Variants in HMCN1 observed in about 807,000 individuals in gnomAD.
HMCN1 encodes hemicentin-1.
HMCN1 carries 321 observed loss-of-function variants against 625.9 expected under a neutral mutation model. The ratio of observed to expected loss-of-function variants is 0.51; its 90% CI spans 0.47 to 0.56. The LOEUF is 0.56. HMCN1 is among the 20% of genes least tolerant of loss of function. The probability of loss-of-function intolerance (pLI) is 0.00; values close to 1 mark genes in which losing one functional copy is unlikely to be tolerated. For synonymous variants in HMCN1, 2,425 were observed against 2,417.6 expected, an observed-to-expected ratio of 1.00 and a Z score of -0.09; for missense variants, 6,588 against 6,887.3, an observed-to-expected ratio of 0.96 and a Z score of 1.54.
chr1:186,086,124 G>A (rs141530407), intron 57 of HMCN1, 122 bp from the exon 58 acceptor site: 1 of 876,582 alleles, frequency 1.1e-6, no homozygotes, highest in Non-Finnish European at 1.8e-6. Flanking sequence ...CAGACAGCTA[G>A]ATAATGAACA....
At position 185,812,979 on chromosome 1, in the gene HMCN1, CAT is replaced by C. The variant is rs201381839; in HGVS notation, c.269-33046_269-33045del. Among the ~76,000 whole-genome samples the C allele has an allele frequency of 9.8e-3, 1,491 of 152,232 alleles. 24 individuals are homozygous for C. Among genetic ancestry groups the C allele is most frequent in the African/African-American group, 0.033 (1,353 of 41,554 alleles). ...CACATGTACATGAGTACAGTTTTCA[CAT>C]GTTTTCTCATGAGAGGACTTCCTGA... On this transcript the variant is annotated intron_variant, in intron 1 of 106. Transcript: ENST00000271588.
chr1:185,871,416 AGTT>A (rs1001395979), intron 4 of HMCN1, among the ~76,000 whole-genome samples: 2 of 152,128 alleles, frequency 1.3e-5, no homozygotes, highest in Non-Finnish European at 1.5e-5. Flanking sequence ...TCTGTGTGTC[AGTT>A]TCCTTATCTG....
At position 185,901,063 on chromosome 1, in the gene HMCN1, A is replaced by G. The variant is rs186726953; in HGVS notation, c.622-8274A>G. Among the ~76,000 whole-genome samples the G allele has an allele frequency of 7.9e-5, 12 of 152,032 alleles. No individual in the cohort carries two copies. In the East Asian group the frequency reaches 2.1e-3, roughly 27 times the overall value. On this transcript the variant is annotated intron_variant, in intron 4 of 106. Coordinates refer to ENST00000271588, the MANE Select transcript of HMCN1 (RefSeq NM_031935.3). ...AAATTAATTTAATAAAGAAAATTCT[A>G]TTAAATGTTTAATGCATCTAAATCA...
In HMCN1 at chr1:185,911,760, G is replaced by A. The variant is rs886045662; in HGVS notation, c.880G>A (p.Ala294Thr). The change falls in exon 6 of 107, where the codon GCT (alanine) becomes ACT (threonine). Residue 294 changes from alanine (A) to threonine (T), a missense_variant. By Grantham distance (58) the Ala-to-Thr change is moderately conservative. Around this residue, in one of 3 missense-constraint regions of HMCN1, gnomAD observed 4,628 missense variants for 4,853.1 expected, o/e 0.95. Transcript: ENST00000271588. ...AGTAGTGAATGTGAAAGAGCCAGAG[G>A]CTGGAATGTGGACAGTGAAGGTACG... ...AKVVNVKEPE[A>T]GMWTVKTSSS... The A allele has an allele frequency of 6.2e-6, 10 of 1,611,954 alleles. No individual in the cohort carries two copies. The highest frequency in any genetic ancestry group is 8.5e-6 in the Non-Finnish European group (10 of 1,178,294).
At chr1:186,116,641 G>A (rs1164453244) in intron 75 of HMCN1, among the ~76,000 whole-genome samples, 1 of 152,112 alleles carries the variant, frequency 6.6e-6, no homozygotes, top group African/African-American at 2.4e-5. Context: ...GAGTGTATCT[G>A]ATGCCCAGTA....
chr1:185,908,825 T>C (rs1666246734), intron 4 of HMCN1, among the ~76,000 whole-genome samples: 2 of 147,948 alleles, frequency 1.4e-5, no homozygotes, highest in Admixed American at 6.8e-5. Context: ...TGTAATATAT[T>C]ATAATATACT....
Position 185,819,228 on chromosome 1 carries a change from T to A in HMCN1, c.269-26798T>A, listed in dbSNP as rs1246706389. On this transcript the variant is annotated intron_variant, in intron 1 of 106. Coordinates refer to ENST00000271588, the MANE Select transcript of HMCN1 (RefSeq NM_031935.3). ...CTCCAGCCTGGGCAACAAGAGCGAA[T>A]CTCCATCTCAAAAAAAAAAAAAAGG... 2.1e-5 allele frequency among the ~76,000 whole-genome samples: 3 copies of A among 142,596 alleles called. No homozygotes were observed. The East Asian group carries it at 5.9e-4, about 28-fold the overall frequency. 93.5% of individuals were successfully genotyped at this position (142,596 alleles called of 152,430 possible).
At chr1:186,056,362 G>A (rs896719245) in intron 45 of HMCN1, among the ~76,000 whole-genome samples, 1 of 151,856 alleles carries the variant, frequency 6.6e-6, no homozygotes, top group African/African-American at 2.4e-5. Flanking sequence ...CTTTTTGTTG[G>A]ATTACTCTTA....
chr1:186,010,126 G>A (rs1387760443), intron 30 of HMCN1, among the ~76,000 whole-genome samples: 2 of 152,028 alleles, frequency 1.3e-5, no homozygotes, highest in Non-Finnish European at 2.9e-5. Flanking sequence ...TGGCCCAGGG[G>A]TTGGGAACTC....
intron 4 of HMCN1, among the ~76,000 whole-genome samples, chr1:185,878,681 C>G (rs1456453915): frequency 6.6e-6 from 1 of 152,026 alleles, no homozygotes; most frequent in Non-Finnish European, 1.5e-5. Flanking sequence ...ACACCATTAT[C>G]GACTTCATTT....
intron 2 of HMCN1, among the ~76,000 whole-genome samples, chr1:185,858,586 ATTTTTTTTTTTTTTTTT>A (rs71101980): frequency 0.052 from 1,794 of 34,638 alleles, 129 homozygotes; most frequent in Non-Finnish European, 0.07. Context: ...CACCCAGCTA[ATTTTTTTTTTTTTTTTT>A]TTTTTTTTTT....
intron 1 of HMCN1, among the ~76,000 whole-genome samples, chr1:185,775,204 AAGAC>A (rs1374091110): frequency 6.6e-6 from 1 of 152,168 alleles, no homozygotes; most frequent in African/African-American, 2.4e-5. Flanking sequence ...GAGTATGTGA[AAGAC>A]AGAGACTTCA....
chr1:185,918,382 C>T (rs1013388521), intron 6 of HMCN1, among the ~76,000 whole-genome samples: 4 of 152,170 alleles, frequency 2.6e-5, no homozygotes, highest in African/African-American at 9.7e-5. Context: ...CTCAGCAAGC[C>T]AGCTTATCCC....
intron 41 of HMCN1, among the ~76,000 whole-genome samples, chr1:186,047,503 A>G (rs964210114): frequency 2.0e-5 from 3 of 152,166 alleles, no homozygotes; most frequent in Non-Finnish European, 4.4e-5. Flanking sequence ...TATCTTACCT[A>G]TGTACTACCA....
At chr1:185,879,832 G>C (rs1312431553) in intron 4 of HMCN1, among the ~76,000 whole-genome samples, 1 of 152,110 alleles carries the variant, frequency 6.6e-6, no homozygotes, top group African/African-American at 2.4e-5. Flanking sequence ...GTCATTGAGA[G>C]GTCAGCGAGT....
rs896444039 is a variant in HMCN1, at chr1:186,144,574, T to A, written c.14137T>A (p.Ser4713Thr). 46 of 1,614,006 alleles carry A rather than the reference T, an allele frequency of 2.9e-5. No individual in the cohort carries two copies. The highest frequency in any genetic ancestry group is 3.9e-5 in the Non-Finnish European group (46 of 1,180,014). ...WATWASWSACSVSCGGGARQR... is the reference protein window; with the variant it reads ...WATWASWSACTVSCGGGARQR... Reference sequence around the variant, plus strand: ...GACTTGGGCCAGTTGGAGTGCCTGTTCTGTGTCATGTGGAGGAGGTGCCAG... The same window carrying A: ...GACTTGGGCCAGTTGGAGTGCCTGTACTGTGTCATGTGGAGGAGGTGCCAG... Residue 4713 changes from serine (S) to threonine (T), a missense_variant, in exon 91 of 107, where the codon TCT becomes ACT. Physicochemically the swap from Ser to Thr is moderately conservative, Grantham distance 58. Around this residue, in one of 3 missense-constraint regions of HMCN1, gnomAD observed 1,954 missense variants for 2,013.1 expected, o/e 0.97. Coordinates refer to ENST00000271588, the MANE Select transcript of HMCN1 (RefSeq NM_031935.3).
chr1:185,957,600 A>T (rs1649717665), intron 11 of HMCN1, among the ~76,000 whole-genome samples: 1 of 152,194 alleles, frequency 6.6e-6, no homozygotes, highest in South Asian at 2.1e-4. Context: ...ATCTGAGCAT[A>T]TTCAGTGTGT....
intron 97 of HMCN1, 23 bp downstream of exon 97, chr1:186,154,010 A>G (rs746294523): frequency 1.9e-6 from 3 of 1,573,282 alleles, no homozygotes; most frequent in African/African-American, 2.7e-5. Flanking sequence ...AAGAAAATCC[A>G]TATCTTTATG....
chr1:185,989,793 TACAG>T, intron 21 of HMCN1, 146 bp downstream of exon 21: 1 of 716,034 alleles, frequency 1.4e-6, no homozygotes, highest in Non-Finnish European at 2.2e-6. Context: ...TTTTTTTTTT[TACAG>T]AAATGCATTT....
Sources: allele counts gnomAD v4.1 joint callset (sites outside exome capture counted in the v4.1 genomes callset), GRCh38; gene constraint gnomAD v4.1.1; regional missense constraint gnomAD v4.1.1; transcripts MANE v1.5; gene names NCBI Gene and HGNC (gene_info 2026-07-23, HGNC 2026-07-21).